The following CDYL2 variants were observed in gnomAD, a reference collection of about 807,000 sequenced individuals.
The protein encoded by CDYL2 is chromodomain Y like 2, also known as chromodomain Y-like protein 2.
In CDYL2, 23 loss-of-function variants were observed where a neutral mutation model predicts 49.4. The ratio of observed to expected loss-of-function variants is 0.47; its 90% CI spans 0.34 to 0.66. The LOEUF is 0.66. CDYL2 is among the 30% of genes least tolerant of loss of function. The pLI is 0.01. For missense variants in CDYL2, 678 were observed against 656.4 expected (o/e 1.03, Z -0.36); for synonymous variants, 360 against 268.8 (o/e 1.34, Z -3.32).
At chr16:80,697,157 G>A (rs1236135696) in intron 1 of CDYL2, among the ~76,000 whole-genome samples, 1 of 152,156 alleles carries the variant, frequency 6.6e-6, no homozygotes, top group Non-Finnish European at 1.5e-5. Context: ...GATGAACGTA[G>A]ATGCAAAAAT....
At chr16:80,661,211 G>C (rs1909029725) in intron 2 of CDYL2, among the ~76,000 whole-genome samples, 1 of 152,070 alleles carries the variant, frequency 6.6e-6, no homozygotes, top group South Asian at 2.1e-4. Flanking sequence ...GATCGCTGAA[G>C]GATGCTATCC....
At chr16:80,796,520 C>T (rs759821324) in intron 1 of CDYL2, among the ~76,000 whole-genome samples, 7 of 152,268 alleles carry the variant, frequency 4.6e-5, no homozygotes, top group Non-Finnish European at 8.8e-5. Context: ...GACTCCATTA[C>T]GTATGTTCTA....
intron 1 of CDYL2, among the ~76,000 whole-genome samples, chr16:80,719,202 C>CAAT (rs759894664): frequency 6.6e-6 from 1 of 152,080 alleles, no homozygotes; most frequent in Non-Finnish European, 1.5e-5. Flanking sequence ...AATGCAAAGG[C>CAAT]AATGTTTCTC....
intron 1 of CDYL2, among the ~76,000 whole-genome samples, chr16:80,735,967 C>T (rs1905508722): frequency 6.6e-6 from 1 of 152,176 alleles, no homozygotes; most frequent in South Asian, 2.1e-4. Context: ...AGCTCAGGGG[C>T]CTCAAGCAAG....
chr16:80,637,684 A>G (rs1907901089), intron 2 of CDYL2, among the ~76,000 whole-genome samples: 1 of 152,312 alleles, frequency 6.6e-6, no homozygotes, highest in African/African-American at 2.4e-5. Context: ...TTAATATTCA[A>G]TAGTACAATG....
chr16:80,649,664 C>T (rs1181286258), intron 2 of CDYL2, among the ~76,000 whole-genome samples: 1 of 152,074 alleles, frequency 6.6e-6, no homozygotes, highest in Non-Finnish European at 1.5e-5. Context: ...CCAATGCTAT[C>T]CTAAGCAAAA....
chr16:80,727,558 C>T lies in CDYL2; in HGVS notation c.25-42429G>A, dbSNP rs1295940909. Reference sequence around the variant, plus strand: ...CATTGCCCAGGCTTGCTTAGGTAAACAAAGCAGCCAGGAAGCTCGAACTGG... The same window carrying T: ...CATTGCCCAGGCTTGCTTAGGTAAATAAAGCAGCCAGGAAGCTCGAACTGG... On this transcript the variant is annotated intron_variant, in intron 1 of 6. Transcript: ENST00000570137. 3.9e-5 allele frequency among the ~76,000 whole-genome samples: 6 copies of T among 152,200 alleles called. No homozygotes were observed. In the East Asian group the frequency reaches 1.2e-3, roughly 29 times the overall value.
rs555524399 is a variant in CDYL2 at position 80,782,218 on chromosome 16, A to C, written c.24+21932T>G. On this transcript the variant is annotated intron_variant, in intron 1 of 6. Coordinates refer to ENST00000570137, the MANE Select transcript of CDYL2 (RefSeq NM_152342.4). ...ATAAAAAGAATTATTTTAAAATGCT[A>C]TAAATAATTGTACACCAACAAACTG... Among the ~76,000 whole-genome samples the C allele has an allele frequency of 2.0e-5, 3 of 152,142 alleles. No homozygotes were observed. The East Asian group carries it at 5.8e-4, about 29-fold the overall frequency.
chr16:80,783,566 T>C (rs939293812), intron 1 of CDYL2, among the ~76,000 whole-genome samples: 1 of 152,034 alleles, frequency 6.6e-6, no homozygotes, highest in African/African-American at 2.4e-5. Flanking sequence ...TCCACAATAA[T>C]GGAAAAGTGG....
chr16:80,638,810 T>C (rs1244110685), intron 2 of CDYL2, among the ~76,000 whole-genome samples: 2 of 152,208 alleles, frequency 1.3e-5, no homozygotes, highest in Admixed American at 1.3e-4. Flanking sequence ...ACAAACTCTG[T>C]ACTTTGCAAA....
In CDYL2 at chr16:80,761,896, A is replaced by C. The variant is rs547623461; in HGVS notation, c.24+42254T>G. On this transcript the variant is annotated intron_variant, in intron 1 of 6. Transcript: ENST00000570137. ...AGGAGAAAATTAAAAAAAAAAAAAA[A>C]AACAAAGACTGGCCAGGCACGGTGG... Among the ~76,000 whole-genome samples the C allele has an allele frequency of 4.6e-5, 7 of 151,738 alleles. No individual in the cohort carries two copies. The South Asian group carries it at 8.3e-4, about 18-fold the overall frequency.
At chr16:80,623,875 C>A (rs13334600) in intron 3 of CDYL2, among the ~76,000 whole-genome samples, 4 of 151,978 alleles carry the variant, frequency 2.6e-5, no homozygotes, top group Non-Finnish European at 4.4e-5. Context: ...AGTGTGGCTA[C>A]GGGAGCAGCA....
chr16:80,718,773 G>A (rs976186194), intron 1 of CDYL2, among the ~76,000 whole-genome samples: 8 of 152,156 alleles, frequency 5.3e-5, no homozygotes, highest in African/African-American at 1.7e-4. Flanking sequence ...GGCAGCATCC[G>A]GAAATCCTGC....
Position 80,612,966 on chromosome 16 carries a change from C to T in CDYL2, c.1008-130G>A. 1 of 744,452 alleles carries T rather than the reference C, an allele frequency of 1.3e-6. No homozygotes were observed. Among genetic ancestry groups the T allele is most frequent in the Non-Finnish European group, 2.1e-6 (1 of 473,860 alleles). The allele number at this position is 744,452 out of a possible 1,614,324, so 46.1% of individuals were successfully genotyped here. On this transcript the variant is annotated intron_variant, in intron 4 of 6. Transcript: ENST00000570137. The surrounding 1 kb of genome is among the most constrained non-coding windows in gnomAD (Gnocchi z 5.0). ...AGAGGTTAGAGGTGCCAGGCAAGGG[C>T]CTCATTGCCTGGACATGGAACCACC...
chr16:80,734,644 G>C (rs990725973), intron 1 of CDYL2, among the ~76,000 whole-genome samples: 1 of 152,106 alleles, frequency 6.6e-6, no homozygotes, highest in African/African-American at 2.4e-5. Flanking sequence ...ACTCATTCAA[G>C]GGGGTTTACT....
At chr16:80,634,015 T>C (rs1907698328) in intron 2 of CDYL2, among the ~76,000 whole-genome samples, 1 of 150,240 alleles carries the variant, frequency 6.7e-6, no homozygotes, top group Non-Finnish European at 1.5e-5. Flanking sequence ...CAAACCTCCA[T>C]CGGAAGCAGA....
At chr16:80,755,235 G>A (rs971946105) in intron 1 of CDYL2, among the ~76,000 whole-genome samples, 1 of 152,190 alleles carries the variant, frequency 6.6e-6, no homozygotes, top group East Asian at 1.9e-4. Flanking sequence ...GACTCTAAGA[G>A]GCTGTGTTTG....
intron 1 of CDYL2, among the ~76,000 whole-genome samples, chr16:80,751,328 C>T (rs140274261): frequency 6.6e-6 from 1 of 152,318 alleles, no homozygotes; most frequent in African/African-American, 2.4e-5. Context: ...GCCAAAAATC[C>T]GGAGGAAGGA....
upstream of CDYL2, among the ~76,000 whole-genome samples, chr16:80,804,932 G>T (rs1386222076): frequency 6.6e-6 from 1 of 152,058 alleles, no homozygotes; most frequent in African/African-American, 2.4e-5. Flanking sequence ...AGTGGACGCC[G>T]CCTGGGAGAC....
Sources: allele counts gnomAD v4.1 joint callset (sites outside exome capture counted in the v4.1 genomes callset), GRCh38; gene constraint gnomAD v4.1.1; non-coding constraint Gnocchi (gnomAD v3.1); transcripts MANE v1.5; gene names NCBI Gene and HGNC (gene_info 2026-07-23, HGNC 2026-07-21).